Variants in GTF2B observed in about 807,000 individuals in gnomAD.
The protein encoded by GTF2B is general transcription factor IIB, also known as transcription initiation factor IIB.
GTF2B carries 20 observed loss-of-function variants against 34.6 expected under a neutral mutation model. The observed-to-expected ratio is 0.58, with a 90% CI of 0.41 to 0.84. GTF2B has a LOEUF of 0.84. Among genes scored for constraint, GTF2B ranks in the 40% least tolerant of loss-of-function variants. The probability of loss-of-function intolerance (pLI) is 0.00; values close to 1 mark genes in which losing one functional copy is unlikely to be tolerated. For synonymous variants in GTF2B, 142 were observed against 132.4 expected (o/e 1.07, Z -0.50); for missense variants, 237 against 393.3 (o/e 0.60, Z 3.36).
chr1:88,881,169 TAAA>T (rs537366934), intron 2 of GTF2B, among the ~76,000 whole-genome samples: 1,783 of 125,316 alleles, frequency 0.014, 37 homozygotes, highest in African/African-American at 0.048. Flanking sequence ...GGTATGTATT[TAAA>T]AAAAAAAAAA....
intron 5 of GTF2B, among the ~76,000 whole-genome samples, 181 bp from the exon 6 acceptor site, chr1:88,857,668 G>A (rs1673343905): frequency 1.6e-5 from 2 of 126,828 alleles, no homozygotes; most frequent in South Asian, 5.6e-4. Flanking sequence ...AAATTTCTCA[G>A]TTAACTTTAA....
At chr1:88,857,514 A>G (rs750958431) in intron 5 of GTF2B, 27 bp from the exon 6 acceptor site, 3 of 1,225,968 alleles carry the variant, frequency 2.4e-6, no homozygotes, top group Admixed American at 3.6e-5. Context: ...TAAATAAATC[A>G]ATTCACTTAA....
intron 2 of GTF2B, among the ~76,000 whole-genome samples, chr1:88,886,225 T>A (rs182472840): frequency 8.3e-4 from 127 of 152,352 alleles, no homozygotes; most frequent in African/African-American, 2.8e-3. Flanking sequence ...GCAGCCTTCT[T>A]GGACCAAGTA....
intron 6 of GTF2B, among the ~76,000 whole-genome samples, chr1:88,855,983 TA>T (rs1359646138): frequency 1.3e-5 from 2 of 152,096 alleles, no homozygotes; most frequent in Non-Finnish European, 2.9e-5. Flanking sequence ...AAAAGGGAGT[TA>T]GTGGGCCATG....
At chr1:88,881,644 A>G (rs1673943391) in intron 2 of GTF2B, among the ~76,000 whole-genome samples, 1 of 152,190 alleles carries the variant, frequency 6.6e-6, no homozygotes, top group Non-Finnish European at 1.5e-5. Flanking sequence ...AACCACAAAT[A>G]TCTATGAATG....
chr1:88,853,025 A>G lies in GTF2B; in HGVS notation c.*188T>C. 1.4e-5 allele frequency: 7 copies of G among 511,828 alleles called. No homozygotes were observed. The highest frequency in any genetic ancestry group is 2.4e-5 in the Non-Finnish European group (7 of 289,736). The allele number at this position is 511,828 out of a possible 1,614,324, so 31.7% of individuals were successfully genotyped here. A position where few individuals can be genotyped will look rare whatever the true frequency, so the allele number is the denominator to read the frequency against. On this transcript the variant is annotated 3_prime_UTR_variant, in exon 7 of 7. Coordinates refer to ENST00000370500, the MANE Select transcript of GTF2B (RefSeq NM_001514.6). ...AGATTGCTACAAAAGAAATTTGATA[A>G]GAAATTTAAATCATTAAATATGTTT...
intron 2 of GTF2B, among the ~76,000 whole-genome samples, chr1:88,884,601 T>A (rs539017406): frequency 2.0e-5 from 3 of 152,364 alleles, no homozygotes; most frequent in African/African-American, 7.2e-5. Context: ...GGCCAAGAAA[T>A]AAGCCACTTA....
At chr1:88,873,368 T>G (rs1244816056) in intron 2 of GTF2B, among the ~76,000 whole-genome samples, 1 of 151,840 alleles carries the variant, frequency 6.6e-6, no homozygotes, top group East Asian at 1.9e-4. Flanking sequence ...GCCCAGCTAA[T>G]TTTTGTATTT....
chr1:88,876,096 C>CT (rs1673810897), intron 2 of GTF2B, among the ~76,000 whole-genome samples: 1 of 152,152 alleles, frequency 6.6e-6, no homozygotes, highest in South Asian at 2.1e-4. Flanking sequence ...AAGGCTGTGT[C>CT]TAACGGCTTA....
chr1:88,891,142 GA>G (rs1674192755), intron 1 of GTF2B, among the ~76,000 whole-genome samples: 2 of 118,452 alleles, frequency 1.7e-5, no homozygotes, highest in South Asian at 3.7e-4. Context: ...CGCGGGGGAG[GA>G]GAGGAGGGAG....
chr1:88,880,778 TG>T (rs1419639200), intron 2 of GTF2B, among the ~76,000 whole-genome samples: 1 of 151,950 alleles, frequency 6.6e-6, no homozygotes, highest in East Asian at 1.9e-4. Flanking sequence ...AGGCCGAGGC[TG>T]GGGGTATCTC....
At chr1:88,885,418 C>A (rs1164525444) in intron 2 of GTF2B, among the ~76,000 whole-genome samples, 5 of 149,920 alleles carry the variant, frequency 3.3e-5, no homozygotes, top group African/African-American at 1.2e-4. Context: ...CCAGCCTGGG[C>A]AACAAAAGGG....
intron 3 of GTF2B, among the ~76,000 whole-genome samples, chr1:88,861,338 G>C (rs1036603911): frequency 1.3e-5 from 2 of 152,210 alleles, no homozygotes; most frequent in African/African-American, 2.4e-5. Flanking sequence ...ATTTGCAAAT[G>C]AATCTGACCA....
intron 5 of GTF2B, among the ~76,000 whole-genome samples, chr1:88,857,809 G>A (rs1296964071): frequency 1.3e-5 from 2 of 149,512 alleles, no homozygotes; most frequent in Non-Finnish European, 3.0e-5. Flanking sequence ...AGCCTCCCGA[G>A]TAGCTGGGAC....
At position 88,860,040 on chromosome 1, in the gene GTF2B, C is replaced by CTA. The variant is rs573057881; in HGVS notation, c.406-31_406-30dup. The CTA allele has an allele frequency of 2.8e-4, 457 of 1,611,786 alleles. 5 individuals are homozygous for CTA. In the South Asian group the frequency reaches 4.8e-3, roughly 17 times the overall value. ...CAAAGCAGAGAAACTAAGTTTAACT[C>CTA]TACGTCATTTAATTAGCTGCAATAT... On this transcript the variant is annotated intron_variant, in intron 4 of 6. Coordinates refer to ENST00000370500, the MANE Select transcript of GTF2B (RefSeq NM_001514.6).
At chr1:88,879,953 G>A (rs539203012) in intron 2 of GTF2B, among the ~76,000 whole-genome samples, 2 of 152,054 alleles carry the variant, frequency 1.3e-5, no homozygotes, top group South Asian at 2.1e-4. Flanking sequence ...CTGCTACTCC[G>A]GAGGCTGAAG....
At chr1:88,864,343 G>A (rs1360528319) in intron 2 of GTF2B, among the ~76,000 whole-genome samples, 2 of 152,024 alleles carry the variant, frequency 1.3e-5, no homozygotes, top group Admixed American at 6.6e-5. Context: ...TCTAACTCTT[G>A]GAAGAAAAAG....
intron 2 of GTF2B, among the ~76,000 whole-genome samples, chr1:88,875,826 G>A (rs1673805637): frequency 6.6e-6 from 1 of 152,096 alleles, no homozygotes; most frequent in South Asian, 2.1e-4. Flanking sequence ...CACTCTCAGT[G>A]ACCAACCAGC....
chr1:88,886,362 C>T (rs1674068538), intron 2 of GTF2B, among the ~76,000 whole-genome samples: 1 of 152,104 alleles, frequency 6.6e-6, no homozygotes, highest in African/African-American at 2.4e-5. Context: ...ACAACTCCAC[C>T]ACAAGAATAA....
Sources: allele counts gnomAD v4.1 joint callset (sites outside exome capture counted in the v4.1 genomes callset), GRCh38; gene constraint gnomAD v4.1.1; transcripts MANE v1.5; gene names NCBI Gene and HGNC (gene_info 2026-07-23, HGNC 2026-07-21).